ASF1A: variants seen among roughly 807,000 people sequenced by gnomAD.
ASF1A encodes anti-silencing function 1A histone chaperone.
In ASF1A, 5 loss-of-function variants were observed where a neutral mutation model predicts 22.0. The observed-to-expected ratio is 0.23, with a 90% CI of 0.12 to 0.48. The LOEUF (loss-of-function observed/expected upper bound fraction) is 0.48. Ranked by LOEUF, ASF1A falls within the 20% of genes least tolerant of loss-of-function variation. The pLI is 0.99. For missense variants in ASF1A, 137 were observed against 240.6 expected (o/e 0.57, Z 2.85); for synonymous variants, 97 against 86.7 (o/e 1.12, Z -0.66).
At chr6:118,905,226 G>A (rs890530910) in intron 2 of ASF1A, among the ~76,000 whole-genome samples, 5 of 152,178 alleles carry the variant, frequency 3.3e-5, no homozygotes, top group Admixed American at 6.5e-5. Context: ...GTTGAAGAGG[G>A]AAACTGGTAT....
At chr6:118,896,849 T>A (rs916053975) in intron 1 of ASF1A, among the ~76,000 whole-genome samples, 2 of 139,082 alleles carry the variant, frequency 1.4e-5, no homozygotes, top group East Asian at 2.2e-4. Flanking sequence ...TTTTTTTTTT[T>A]AAATGAGACA....
chr6:118,894,397 T>G lies in ASF1A; in HGVS notation c.-17T>G, dbSNP rs1562426756. 2.0e-6 allele frequency: 3 copies of G among 1,536,616 alleles called. No individual in the cohort carries two copies. The highest frequency in any genetic ancestry group is 2.7e-5 in the African/African-American group (2 of 72,974). Reference sequence around the variant, plus strand: ...GCAACCAGCCCCAGTTCCCATTGTTTGTGTTTTTTTCAAAATATGGCAAAG... The same window carrying G: ...GCAACCAGCCCCAGTTCCCATTGTTGGTGTTTTTTTCAAAATATGGCAAAG... On this transcript the variant is annotated 5_prime_UTR_variant, in exon 1 of 4. Coordinates refer to ENST00000229595, the MANE Select transcript of ASF1A (RefSeq NM_014034.3).
chr6:118,905,556 C>A, intron 2 of ASF1A, 96 bp from the exon 3 acceptor site: 1 of 940,480 alleles, frequency 1.1e-6, no homozygotes, highest in Admixed American at 2.7e-5. Flanking sequence ...TTGTTGCATC[C>A]TCAACTGATG....
At position 118,907,590 on chromosome 6, in the gene ASF1A, A is replaced by G. The variant is rs775710424; in HGVS notation, c.591A>G (p.Leu197=). The part of the protein sequence containing the change: ...STSENSLNVM[L]ESHMDCM ...CAGAAAACTCACTAAATGTCATGTT[A>G]GAATCCCACATGGACTGCATGTGAC... Residue 197 remains leucine (L), a synonymous_variant, in exon 4 of 4, where the codon TTA becomes TTG. Coordinates refer to ENST00000229595, the MANE Select transcript of ASF1A (RefSeq NM_014034.3). 34 of 1,613,498 alleles carry G rather than the reference A, an allele frequency of 2.1e-5. No individual in the cohort carries two copies. The highest frequency in any genetic ancestry group is 2.9e-5 in the Non-Finnish European group (34 of 1,179,610).
In ASF1A at chr6:118,900,768, T is replaced by C. The variant is rs1165206085; in HGVS notation, c.112T>C (p.Leu38=). ...FECIEDLSED[L]EWKIIYVGSA... ...ATGCTTTGGTTTTTTAACCCTAGACTTGGAATGGAAAATTATCTATGTGGG... is the reference window on the plus strand; with the variant it reads ...ATGCTTTGGTTTTTTAACCCTAGACCTGGAATGGAAAATTATCTATGTGGG... Residue 38 remains leucine, a splice_region_variant and synonymous_variant, in exon 2 of 4, where the codon TTG becomes CTG. Transcript: ENST00000229595. The C allele has an allele frequency of 6.2e-7, 1 of 1,608,470 alleles. No homozygotes were observed. Among genetic ancestry groups the C allele is most frequent in the Admixed American group, 1.7e-5 (1 of 60,006 alleles).
rs144248257 is a variant in ASF1A at position 118,903,788 on chromosome 6, T to C, written c.226-1864T>C. On this transcript the variant is annotated intron_variant, in intron 2 of 3. Coordinates refer to ENST00000229595, the MANE Select transcript of ASF1A (RefSeq NM_014034.3). The stretch of plus-strand genomic sequence containing the variant: ...TTTTTGTAGAGATGGGGTTTCGCCA[T>C]GTGGCCCAGGATAATCTCAAATTCC... Among the ~76,000 whole-genome samples the C allele has an allele frequency of 9.2e-3, 1,398 of 152,326 alleles. 12 individuals are homozygous for C. Among genetic ancestry groups the C allele is most frequent in the African/African-American group, 0.031 (1,304 of 41,588 alleles).
rs1274491480 is a variant in ASF1A at position 118,894,513 on chromosome 6, C to T, written c.100C>T (p.Leu34=). ...GATCACCTTCGAGTGCATCGAGGAC[C>T]TGTCTGAAGGTGAGTGCGGCGCCCG... The part of the protein sequence containing the change: ...FEITFECIED[L]SEDLEWKIIY... The change falls in exon 1 of 4, where the codon CTG becomes TTG. Residue 34 remains leucine, a synonymous_variant. Coordinates refer to ENST00000229595, the MANE Select transcript of ASF1A (RefSeq NM_014034.3). 2.0e-6 allele frequency: 3 copies of T among 1,536,916 alleles called. No individual in the cohort carries two copies. The highest frequency in any genetic ancestry group is 2.7e-5 in the African/African-American group (2 of 73,042).
At chr6:118,905,859 T>TAAATGAAAG in intron 3 of ASF1A, 31 bp downstream of exon 3, 1 of 1,487,262 alleles carries the variant, frequency 6.7e-7, no homozygotes, top group Non-Finnish European at 9.1e-7. Context: ...TTTTAACTAC[T>TAAATGAAAG]TTTACTATGC....
At chr6:118,900,587 G>C (rs986228790) in intron 1 of ASF1A, among the ~76,000 whole-genome samples, 179 bp from the exon 2 acceptor site, 1 of 152,200 alleles carries the variant, frequency 6.6e-6, no homozygotes, top group Non-Finnish European at 1.5e-5. Flanking sequence ...GAGAAACTCT[G>C]ATCAAAGTGT....
intron 3 of ASF1A, among the ~76,000 whole-genome samples, chr6:118,906,505 T>A (rs1780186979): frequency 6.6e-6 from 1 of 152,222 alleles, no homozygotes; most frequent in African/African-American, 2.4e-5. Flanking sequence ...TACTAATTAT[T>A]CAATGATGAT....
rs1583571745 is a variant in ASF1A at position 118,894,330 on chromosome 6, C to T, written c.-84C>T. On this transcript the variant is annotated 5_prime_UTR_variant, in exon 1 of 4. Coordinates refer to ENST00000229595, the MANE Select transcript of ASF1A (RefSeq NM_014034.3). ...GTCTGGCCGGCGCTGGAGCGGGGGT[C>T]TGCGCTCTCCCGAGCGGCCGCGCGC... The T allele has an allele frequency of 4.6e-6, 7 of 1,526,656 alleles. No homozygotes were observed. Among genetic ancestry groups the T allele is most frequent in the Non-Finnish European group, 6.1e-6 (7 of 1,139,906 alleles). 94.6% of individuals were successfully genotyped at this position (1,526,656 alleles called of 1,614,324 possible).
intron 1 of ASF1A, among the ~76,000 whole-genome samples, chr6:118,898,482 T>G (rs1359437822): frequency 1.3e-5 from 2 of 150,964 alleles, no homozygotes; most frequent in Non-Finnish European, 2.9e-5. Flanking sequence ...TGGAGTGCAG[T>G]GGCGCGATCT....
At chr6:118,901,773 A>G (rs1779812158) in intron 2 of ASF1A, among the ~76,000 whole-genome samples, 2 of 152,204 alleles carry the variant, frequency 1.3e-5, no homozygotes, top group Non-Finnish European at 2.9e-5. Context: ...CAACCCAGCA[A>G]TGTCCCATCA....
At chr6:118,897,967 G>T (rs1434986009) in intron 1 of ASF1A, among the ~76,000 whole-genome samples, 2 of 152,170 alleles carry the variant, frequency 1.3e-5, no homozygotes, top group Admixed American at 6.5e-5. Flanking sequence ...TTCTTGTTAA[G>T]GCTAGATTCT....
At chr6:118,900,931 C>T in intron 2 of ASF1A, 50 bp downstream of exon 2, 1 of 1,227,912 alleles carries the variant, frequency 8.1e-7, no homozygotes, top group Non-Finnish European at 1.2e-6. Flanking sequence ...TCGAAGTAGA[C>T]TATATTATCT....
intron 2 of ASF1A, 134 bp from the exon 3 acceptor site, chr6:118,905,518 C>T (rs1015441299): frequency 1.6e-6 from 1 of 629,998 alleles, no homozygotes; most frequent in Non-Finnish European, 2.7e-6. Flanking sequence ...TGAGCATTTT[C>T]CTTCCCAGTA....
chr6:118,901,719 C>T (rs1288158756), intron 2 of ASF1A, among the ~76,000 whole-genome samples: 1 of 152,156 alleles, frequency 6.6e-6, no homozygotes, highest in Non-Finnish European at 1.5e-5. Flanking sequence ...AGTAACTAGC[C>T]ATAGGTTTTT....
At chr6:118,903,938 A>G (rs187218411) in intron 2 of ASF1A, among the ~76,000 whole-genome samples, 3 of 152,326 alleles carry the variant, frequency 2.0e-5, no homozygotes, top group East Asian at 3.9e-4. Flanking sequence ...TCATATCTCT[A>G]GAACAATGGT....
chr6:118,906,735 C>T (rs1780203554), intron 3 of ASF1A, among the ~76,000 whole-genome samples: 2 of 152,110 alleles, frequency 1.3e-5, no homozygotes, highest in Non-Finnish European at 2.9e-5. Flanking sequence ...TCTGATTTTT[C>T]ACTGGGAACT....
Sources: allele counts gnomAD v4.1 joint callset (sites outside exome capture counted in the v4.1 genomes callset), GRCh38; gene constraint gnomAD v4.1.1; transcripts MANE v1.5; gene names NCBI Gene and HGNC (gene_info 2026-07-23, HGNC 2026-07-21).